Variants in TACC2 observed in about 807,000 individuals in gnomAD.
The protein encoded by TACC2 is transforming acidic coiled-coil-containing protein 2.
Under a neutral mutation model 227.3 loss-of-function variants are expected in TACC2, and 137 were observed. The observed-to-expected ratio is 0.60, with a 90% CI of 0.52 to 0.69. The LOEUF is 0.69. Ranked by LOEUF, TACC2 falls within the 30% of genes least tolerant of loss-of-function variation. The pLI, the probability that TACC2 is intolerant of heterozygous loss-of-function variation, is 0.00. For synonymous variants in TACC2, 1,523 were observed against 1,487.5 expected, an observed-to-expected ratio of 1.02 and a Z score of -0.55; for missense variants, 3,470 against 3,694.4, an observed-to-expected ratio of 0.94 and a Z score of 1.57.
intron 8 of TACC2, among the ~76,000 whole-genome samples, chr10:122,196,998 C>T (rs143529735): frequency 1.3e-4 from 20 of 150,954 alleles, no homozygotes; most frequent in African/African-American, 4.1e-4. Context: ...TGGTGGCTCA[C>T]GCCTGTAATC....
chr10:122,099,222 G>A (rs1484844134), intron 5 of TACC2, among the ~76,000 whole-genome samples: 1 of 152,230 alleles, frequency 6.6e-6, no homozygotes, highest in Non-Finnish European at 1.5e-5. Flanking sequence ...ACTGTTCCTG[G>A]CAAGTGACGA....
chr10:122,189,130 CGGTCTG>C (rs2094319906), intron 7 of TACC2, among the ~76,000 whole-genome samples: 1 of 152,062 alleles, frequency 6.6e-6, no homozygotes, highest in South Asian at 2.1e-4. Flanking sequence ...AAAAAATGAC[CGGTCTG>C]ATCATACTGT....
chr10:122,011,235 T>C (rs959309500), intron 1 of TACC2, among the ~76,000 whole-genome samples: 6 of 152,218 alleles, frequency 3.9e-5, no homozygotes, highest in South Asian at 4.1e-4. Flanking sequence ...AGGGACATAG[T>C]GTGGCTGGGG....
intron 5 of TACC2, among the ~76,000 whole-genome samples, chr10:122,126,175 T>C (rs776383073): frequency 2.6e-5 from 4 of 152,172 alleles, no homozygotes; most frequent in Non-Finnish European, 5.9e-5. Context: ...TCCATGGCAG[T>C]TTTCTGTCCT....
rs199993183 is a variant in TACC2, at chr10:122,082,605, C to G, written c.147-42C>G. The G allele has an allele frequency of 6.4e-6, 10 of 1,565,842 alleles. No individual in the cohort carries two copies. The East Asian group carries it at 2.3e-4, about 35-fold the overall frequency. ...GACCTGCCTGCAGTGTGGCTCTGTC[C>G]TTGGCATCCATGATAACCAATGAAA... On this transcript the variant is annotated intron_variant, in intron 3 of 22. Transcript: ENST00000369005.
chr10:122,142,106 T>TG (rs1015246710), intron 6 of TACC2, among the ~76,000 whole-genome samples: 27 of 152,380 alleles, frequency 1.8e-4, no homozygotes, highest in African/African-American at 6.5e-4. Context: ...GCTGTTTTGC[T>TG]GGGTTTCCTC....
chr10:122,009,772 A>C (rs1338973674), intron 1 of TACC2, among the ~76,000 whole-genome samples: 1 of 151,558 alleles, frequency 6.6e-6, no homozygotes, highest in Non-Finnish European at 1.5e-5. Flanking sequence ...CTGAAAATAC[A>C]AAAATTAGCT....
At chr10:122,203,461 G>A (rs1032324673) in intron 8 of TACC2, among the ~76,000 whole-genome samples, 100 of 150,564 alleles carry the variant, frequency 6.6e-4, no homozygotes, top group Non-Finnish European at 1.8e-4. Flanking sequence ...GCCGGGTGGA[G>A]ACGCTCCTCA....
intron 1 of TACC2, among the ~76,000 whole-genome samples, chr10:121,996,294 G>A (rs1184793072): frequency 2.0e-5 from 3 of 152,080 alleles, no homozygotes; most frequent in Admixed American, 1.3e-4. Context: ...GAGCTCAAGC[G>A]ATCATCCTGC....
At chr10:122,064,171 C>T (rs1014956532) in intron 3 of TACC2, among the ~76,000 whole-genome samples, 8 of 151,774 alleles carry the variant, frequency 5.3e-5, no homozygotes, top group African/African-American at 1.7e-4. Flanking sequence ...CAAACAACAA[C>T]AAAAAGTGTG....
At position 122,199,037 on chromosome 10, in the gene TACC2, G is replaced by T. The variant is rs538258708; in HGVS notation, c.5971+3861G>T. Among the ~76,000 whole-genome samples, 22 of 152,370 alleles carry T rather than the reference G, an allele frequency of 1.4e-4. No homozygotes were observed. The South Asian group carries it at 4.6e-3, about 32-fold the overall frequency. On this transcript the variant is annotated intron_variant, in intron 8 of 22. Transcript: ENST00000369005. ...TTCAGGGACATTGTTCAGCATTGGG[G>T]AATGCAGCTTCTTTACTCATTCTTG...
rs897544124 is a variant in TACC2, at chr10:122,006,898, G to A, written c.-45-15039G>A. ...TTTTTTGAGATGGAATTTTGCCCTT[G>A]TTGCCCAGGCTGGAGTGCAATGGCG... On this transcript the variant is annotated intron_variant, in intron 1 of 22. Transcript: ENST00000369005. 4.5e-5 allele frequency among the ~76,000 whole-genome samples: 4 copies of A among 89,500 alleles called. No homozygotes were observed. In the South Asian group the frequency reaches 1.1e-3, roughly 24 times the overall value. The allele number at this position is 89,500 out of a possible 152,430, so 58.7% of individuals were successfully genotyped here.
rs1288779126 is a variant in TACC2 at position 122,084,429 on chromosome 10, C to T, written c.1929C>T (p.His643=). 1 of 1,612,858 alleles carries T rather than the reference C, an allele frequency of 6.2e-7. No individual in the cohort carries two copies. Among genetic ancestry groups the T allele is most frequent in the South Asian group, 1.1e-5 (1 of 91,072 alleles). ...CACCCAGAAAGGGGGGTGCTGGGCA[C>T]ACGGACGGGCCCCACTCTCAGACAG... ...AQPPRKGGAG[H]TDGPHSQTAE... is the part of the protein sequence containing the mutation. The change falls in exon 4 of 23, where the codon CAC becomes CAT. Residue 643 remains histidine, a synonymous_variant. Coordinates refer to ENST00000369005, the MANE Select transcript of TACC2 (RefSeq NM_206862.4).
chr10:122,231,903 A>AG (rs924523486), intron 16 of TACC2, among the ~76,000 whole-genome samples: 5 of 152,172 alleles, frequency 3.3e-5, no homozygotes, highest in Non-Finnish European at 7.4e-5. Context: ...GCTCATCTGC[A>AG]GGGGGGCAGT....
intron 3 of TACC2, among the ~76,000 whole-genome samples, chr10:122,061,959 G>A (rs1288432464): frequency 1.3e-5 from 2 of 150,788 alleles, no homozygotes; most frequent in Non-Finnish European, 1.5e-5. Context: ...TGTCCCTATC[G>A]TAGATCCACA....
In TACC2 at chr10:122,101,888, TAAAAAAA is replaced by T. The variant is rs1296918508; in HGVS notation, c.5573+13299_5573+13305del. Among the ~76,000 whole-genome samples the T allele has an allele frequency of 4.0e-5, 6 of 151,012 alleles. No homozygotes were observed. In the South Asian group the frequency reaches 1.3e-3, roughly 32 times the overall value. On this transcript the variant is annotated intron_variant, in intron 5 of 22. Transcript: ENST00000369005. The stretch of plus-strand genomic sequence containing the variant: ...CACCCAGCCAACCCCATCCTTTTTT[TAAAAAAA>T]AGAAAAAAGAAAAAGGCAGAGTCTC...
chr10:122,134,354 T>G (rs2089078521), intron 6 of TACC2, among the ~76,000 whole-genome samples: 2 of 151,986 alleles, frequency 1.3e-5, no homozygotes, highest in Admixed American at 6.6e-5. Context: ...TTGTATTTTT[T>G]TTTAGTAGAG....
Position 122,081,997 on chromosome 10 carries a change from C to G in TACC2, c.147-650C>G, listed in dbSNP as rs75103397. Among the ~76,000 whole-genome samples the G allele has an allele frequency of 3.2e-3, 492 of 152,244 alleles. 3 individuals are homozygous for G. Among genetic ancestry groups the G allele is most frequent in the African/African-American group, 0.011 (472 of 41,546 alleles). ...AATCTTCACAGGACTGGTTCAAATC[C>G]CCTGTTATGATTTACTCTTATTAAC... On this transcript the variant is annotated intron_variant, in intron 3 of 22. Coordinates refer to ENST00000369005, the MANE Select transcript of TACC2 (RefSeq NM_206862.4).
chr10:122,030,557 A>C (rs180925854), intron 2 of TACC2, among the ~76,000 whole-genome samples: 24 of 152,108 alleles, frequency 1.6e-4, no homozygotes, highest in Non-Finnish European at 4.4e-5. Flanking sequence ...TCCCACTCCA[A>C]CTGTTCCTCA....
Sources: allele counts gnomAD v4.1 joint callset (sites outside exome capture counted in the v4.1 genomes callset), GRCh38; gene constraint gnomAD v4.1.1; transcripts MANE v1.5; gene names NCBI Gene and HGNC (gene_info 2026-07-23, HGNC 2026-07-21).